APBB2: variants seen among roughly 807,000 people sequenced by gnomAD.
The protein encoded by APBB2 is amyloid beta precursor protein binding family B member 2.
APBB2 carries 38 observed loss-of-function variants against 82.5 expected under a neutral mutation model. The ratio of observed to expected loss-of-function variants is 0.46; its 90% confidence interval spans 0.36 to 0.60. The LOEUF (loss-of-function observed/expected upper bound fraction) is 0.60, where lower values mean the gene tolerates loss of function less well. APBB2 is among the 20% of genes least tolerant of loss of function. APBB2 has a pLI of 0.00. For synonymous variants in APBB2, 341 were observed against 368.2 expected (o/e 0.93, Z 0.85); for missense variants, 772 against 972.3 (o/e 0.79, Z 2.74).
At chr4:41,157,008 G>A (rs1285906599) in intron 1 of APBB2, among the ~76,000 whole-genome samples, 2 of 150,282 alleles carry the variant, frequency 1.3e-5, no homozygotes, top group Non-Finnish European at 3.0e-5. Context: ...AGAGGTTGCA[G>A]TGACCCAAGA....
chr4:40,977,625 T>A (rs1044399858), intron 6 of APBB2, among the ~76,000 whole-genome samples: 58 of 152,316 alleles, frequency 3.8e-4, no homozygotes, highest in African/African-American at 1.3e-3. Flanking sequence ...AATAAACTTT[T>A]AAAGAAACTT....
At chr4:41,164,731 C>CAT (rs1383385747) in intron 1 of APBB2, among the ~76,000 whole-genome samples, 67 of 152,338 alleles carry the variant, frequency 4.4e-4, no homozygotes, top group Non-Finnish European at 2.2e-4. Context: ...TAAAACCCTA[C>CAT]ATCACACTAG....
intron 6 of APBB2, among the ~76,000 whole-genome samples, chr4:40,965,468 A>C (rs1458222046): frequency 6.6e-6 from 1 of 152,196 alleles, no homozygotes; most frequent in Non-Finnish European, 1.5e-5. Context: ...GTCAGTGGCC[A>C]CATGGGGCTA....
At chr4:41,106,699 A>T (rs549959790) in intron 2 of APBB2, among the ~76,000 whole-genome samples, 1 of 152,190 alleles carries the variant, frequency 6.6e-6, no homozygotes, top group East Asian at 1.9e-4. Context: ...GATGGTCTCG[A>T]TCTCCTGACC....
At chr4:40,862,787 C>A (rs997130745) in intron 12 of APBB2, among the ~76,000 whole-genome samples, 2 of 145,354 alleles carry the variant, frequency 1.4e-5, no homozygotes, top group African/African-American at 2.5e-5. Context: ...TGAACCTGTG[C>A]GGCAGAAGTT....
chr4:40,971,384 T>C (rs916171410), intron 6 of APBB2, among the ~76,000 whole-genome samples: 1 of 152,214 alleles, frequency 6.6e-6, no homozygotes, highest in Non-Finnish European at 1.5e-5. Context: ...TACTGACAAG[T>C]GCAAAAACTA....
At chr4:41,165,326 C>T (rs1056847076) in intron 1 of APBB2, among the ~76,000 whole-genome samples, 1 of 152,182 alleles carries the variant, frequency 6.6e-6, no homozygotes, top group Admixed American at 6.5e-5. Context: ...CCATCCAATG[C>T]TACTCTCACA....
chr4:41,134,504 A>G (rs1388554391), intron 2 of APBB2, among the ~76,000 whole-genome samples: 1 of 152,134 alleles, frequency 6.6e-6, no homozygotes, highest in Non-Finnish European at 1.5e-5. Flanking sequence ...AAAATATATA[A>G]AGAGAGTTTG....
intron 3 of APBB2, among the ~76,000 whole-genome samples, chr4:41,082,302 GTAC>G (rs1416736362): frequency 6.6e-6 from 1 of 152,038 alleles, no homozygotes; most frequent in Admixed American, 6.6e-5. Context: ...TCATCACACA[GTAC>G]TTATTTTTGA....
At chr4:41,006,654 C>T (rs1188199597) in intron 6 of APBB2, among the ~76,000 whole-genome samples, 2 of 151,946 alleles carry the variant, frequency 1.3e-5, no homozygotes, top group Admixed American at 6.6e-5. Context: ...TTAGTAGAAA[C>T]GGGGTTTTGC....
chr4:40,985,039 A>G (rs893251160), intron 6 of APBB2, among the ~76,000 whole-genome samples: 4 of 151,424 alleles, frequency 2.6e-5, no homozygotes, highest in African/African-American at 7.3e-5. Context: ...TCTCATCTCA[A>G]CCTCTCAAGT....
intron 10 of APBB2, among the ~76,000 whole-genome samples, chr4:40,918,712 TC>T (rs1780476804): frequency 7.5e-6 from 1 of 132,778 alleles, no homozygotes. Flanking sequence ...CTTCCTTCCT[TC>T]CTTCCTTCCT....
intron 1 of APBB2, among the ~76,000 whole-genome samples, chr4:41,146,060 T>A (rs1760622294): frequency 6.6e-6 from 1 of 151,956 alleles, no homozygotes; most frequent in Admixed American, 6.6e-5. Context: ...ACATGGTGAC[T>A]CATGCCTGTA....
Position 40,886,488 on chromosome 4 carries a change from G to GAAA in APBB2, c.1529+3873_1529+3875dup, listed in dbSNP as rs560963073. Among the ~76,000 whole-genome samples, 1,396 of 145,880 alleles carry GAAA rather than the reference G, an allele frequency of 9.6e-3. 20 individuals are homozygous for GAAA. Among genetic ancestry groups the GAAA allele is most frequent in the African/African-American group, 0.033 (1,319 of 39,682 alleles). ...ACAGTGAAACTCCATCTCAAAAAGA[G>GAAA]AAAAAAAAAACAAAAGAAATTATGT... On this transcript the variant is annotated intron_variant, in intron 12 of 17. Coordinates refer to ENST00000508593, the MANE Select transcript of APBB2 (RefSeq NM_004307.2).
intron 1 of APBB2, among the ~76,000 whole-genome samples, chr4:41,191,118 A>G (rs1774312519): frequency 6.6e-6 from 1 of 152,222 alleles, no homozygotes; most frequent in African/African-American, 2.4e-5. Context: ...TTGCCTATCC[A>G]GGAAGGAGAA....
At chr4:41,177,941 G>C (rs1412523623) in intron 1 of APBB2, among the ~76,000 whole-genome samples, 1 of 152,156 alleles carries the variant, frequency 6.6e-6, no homozygotes, top group Admixed American at 6.5e-5. Context: ...TGCTTAAGAA[G>C]TTTCAGATTT....
intron 3 of APBB2, among the ~76,000 whole-genome samples, chr4:41,069,125 G>T (rs188430959): frequency 2.6e-5 from 4 of 152,136 alleles, no homozygotes; most frequent in Admixed American, 2.6e-4. Flanking sequence ...TTCTTGAATT[G>T]CTCCAATTCA....
At chr4:40,870,487 C>A (rs1189646280) in intron 12 of APBB2, among the ~76,000 whole-genome samples, 2 of 152,168 alleles carry the variant, frequency 1.3e-5, no homozygotes, top group Non-Finnish European at 2.9e-5. Context: ...GATCAGGAAG[C>A]CAACCGGTGT....
Position 40,842,848 on chromosome 4 carries a change from T to G in APBB2, c.1530-12271A>C, listed in dbSNP as rs114713023. On this transcript the variant is annotated intron_variant, in intron 12 of 17. Transcript: ENST00000508593. ...TGGAATCCAGGCACTTTTCCTGAGA[T>G]GCATCCTTACAGGGCAACAGGGAGG... is the stretch of plus-strand genomic sequence containing the variant. Among the ~76,000 whole-genome samples the G allele has an allele frequency of 6.3e-3, 959 of 151,910 alleles. 11 individuals carry two copies. Among genetic ancestry groups the G allele is most frequent in the African/African-American group, 0.022 (916 of 41,434 alleles).
Sources: allele counts gnomAD v4.1 joint callset (sites outside exome capture counted in the v4.1 genomes callset), GRCh38; gene constraint gnomAD v4.1.1; transcripts MANE v1.5; gene names NCBI Gene and HGNC (gene_info 2026-07-23, HGNC 2026-07-21).